The following GRID2IP variants were observed in gnomAD, a reference collection of about 807,000 sequenced individuals.
GRID2IP encodes Grid2 interacting protein, also known as delphilin.
Under a neutral mutation model 114.3 loss-of-function variants are expected in GRID2IP, and 78 were observed. The ratio of observed to expected loss-of-function variants is 0.68; its 90% CI spans 0.57 to 0.82. GRID2IP has a LOEUF of 0.82. Ranked by LOEUF, GRID2IP falls within the 40% of genes least tolerant of loss-of-function variation. The pLI is 0.00. For synonymous variants in GRID2IP, 809 were observed against 724.0 expected (o/e 1.12, Z -1.89); for missense variants, 1,727 against 1,678.5 (o/e 1.03, Z -0.51).
chr7:6,517,005 G>A (rs547007902), intron 7 of GRID2IP, among the ~76,000 whole-genome samples: 1 of 151,756 alleles, frequency 6.6e-6, no homozygotes, highest in South Asian at 2.1e-4. Flanking sequence ...TGGTGGTAGT[G>A]GTCCCCCGGG....
Position 6,551,060 on chromosome 7 carries a change from G to C in GRID2IP, c.377C>G (p.Pro126Arg), listed in dbSNP as rs1421485039. The part of the protein sequence containing the change: ...ELLRLAGRKR[P>R]DAVHRERRRK... ...CCTGCGCTCTCGGTGCACCGCGTCC[G>C]GGCGCTTGCGGCCGGCCAGGCGAAG... Residue 126 changes from proline (P) to arginine (R), a missense_variant, in exon 1 of 22, where the codon CCG (proline) becomes CGG (arginine). Physicochemically the swap from Pro to Arg is moderately radical, Grantham distance 103. Transcript: ENST00000457091. The C allele has an allele frequency of 1.5e-5, 19 of 1,300,972 alleles. No individual in the cohort carries two copies. The highest frequency in any genetic ancestry group is 4.1e-5 in the Admixed American group (1 of 24,648). The allele number at this position is 1,300,972 out of a possible 1,614,324, so 80.6% of individuals were successfully genotyped here. A position where few individuals can be genotyped will look rare whatever the true frequency, so the allele number is the denominator to read the frequency against.
rs1332970437 is a variant in GRID2IP at position 6,551,281 on chromosome 7, C to T, written c.156G>A (p.Val52=). The T allele has an allele frequency of 1.3e-6, 2 of 1,540,286 alleles. No homozygotes were observed. The highest frequency in any genetic ancestry group is 2.0e-5 in the Admixed American group (1 of 50,922). The change falls in exon 1 of 22, where the codon GTG becomes GTA. Residue 52 remains valine, a synonymous_variant. Coordinates refer to ENST00000457091, the MANE Select transcript of GRID2IP (RefSeq NM_001145118.2). ...TCAGACCGCCCACCGCCAGCCCCTCCACCTCCAGGATCTGGTCTCCTGGCC... is the reference window on the plus strand; with the variant it reads ...TCAGACCGCCCACCGCCAGCCCCTCTACCTCCAGGATCTGGTCTCCTGGCC... The part of the protein sequence containing the change: ...GLRPGDQILE[V]EGLAVGGLSR...
At chr7:6,515,444 G>A (rs2115064406) in intron 7 of GRID2IP, among the ~76,000 whole-genome samples, 1 of 151,128 alleles carries the variant, frequency 6.6e-6, no homozygotes, top group Non-Finnish European at 1.5e-5. Context: ...CTGGGTGACA[G>A]AGCAAGACTC....
At chr7:6,539,162 T>C (rs1251522523) in intron 2 of GRID2IP, among the ~76,000 whole-genome samples, 2 of 150,586 alleles carry the variant, frequency 1.3e-5, no homozygotes, top group African/African-American at 2.5e-5. Context: ...AGTGTCTTGC[T>C]CTGTCATCCA....
chr7:6,529,685 C>G (rs1485549587), intron 2 of GRID2IP, among the ~76,000 whole-genome samples: 6 of 152,182 alleles, frequency 3.9e-5, no homozygotes, highest in Non-Finnish European at 8.8e-5. Flanking sequence ...CCAGCAGAGC[C>G]AGGAGCAGTG....
rs201998040 is a variant in GRID2IP, at chr7:6,503,078, C to T, written c.2993G>A (p.Gly998Asp). 1,393 of 1,551,454 alleles carry T rather than the reference C, an allele frequency of 9.0e-4. 3 individuals carry two copies. The highest frequency in any genetic ancestry group is 4.7e-3 in the Middle Eastern group (28 of 5,988). Residue 998 changes from glycine to aspartate, a missense_variant, in exon 17 of 22, where the codon GGC becomes GAC. Gly to Asp is a moderately conservative substitution (Grantham distance 94). Transcript: ENST00000457091. ...GGCCTGGCGCAAGCATTCAAGGCTG[C>T]CTCGGATCTCCTCTGTCTTCTCCTG... ...TLQEKTEEIR[G>D]SLECLRQASL...
intron 2 of GRID2IP, among the ~76,000 whole-genome samples, chr7:6,531,438 G>A (rs906334885): frequency 3.9e-5 from 6 of 152,188 alleles, no homozygotes; most frequent in Non-Finnish European, 8.8e-5. Context: ...ACTGCGCCCC[G>A]GACCCCCACA....
intron 16 of GRID2IP, 139 bp downstream of exon 16, chr7:6,503,352 T>C: frequency 2.0e-6 from 2 of 1,015,548 alleles, no homozygotes; most frequent in Non-Finnish European, 1.4e-6. Context: ...ACCCGGCCAT[T>C]AAAGGTGTTA....
chr7:6,517,298 C>A (rs938948358), intron 7 of GRID2IP, among the ~76,000 whole-genome samples: 1 of 151,760 alleles, frequency 6.6e-6, no homozygotes, highest in Admixed American at 6.6e-5. Context: ...ACCTCGTGAT[C>A]TGCCCATCTC....
chr7:6,498,202 T>G lies in GRID2IP; in HGVS notation c.3426A>C (p.Ala1142=). 9 of 1,548,254 alleles carry G rather than the reference T, an allele frequency of 5.8e-6. No homozygotes were observed. The highest frequency in any genetic ancestry group is 7.0e-6 in the Non-Finnish European group (8 of 1,145,918). ...MSSFLETAQP[A]LRALDGLQRE... The stretch of plus-strand genomic sequence containing the variant: ...GCTGCAGCCCGTCGAGCGCCCGAAG[T>G]GCTGGCTGGGCCGTCTCCAGGAAGG... The change falls in exon 21 of 22, where the codon GCA becomes GCC. Residue 1142 remains alanine (A), a synonymous_variant. Coordinates refer to ENST00000457091, the MANE Select transcript of GRID2IP (RefSeq NM_001145118.2).
At chr7:6,537,945 C>T (rs13222970) in intron 2 of GRID2IP, among the ~76,000 whole-genome samples, 51,136 of 152,122 alleles carry the variant, frequency 0.34, 10,535 homozygotes, top group Non-Finnish European at 0.47. Context: ...TGTGTGGCTT[C>T]AGGCCAGCCT....
intron 2 of GRID2IP, among the ~76,000 whole-genome samples, chr7:6,531,575 A>G (rs1441319617): frequency 6.6e-6 from 1 of 152,218 alleles, no homozygotes; most frequent in Non-Finnish European, 1.5e-5. Flanking sequence ...GGCTAGAAGA[A>G]GCCCTGTTTA....
intron 14 of GRID2IP, 35 bp from the exon 15 acceptor site, chr7:6,504,905 A>T (rs1488156215): frequency 4.6e-6 from 7 of 1,537,674 alleles, no homozygotes; most frequent in East Asian, 4.9e-5. Context: ...GGAGGCGGCT[A>T]GGCTGAGGCT....
chr7:6,527,923 A>G (rs1332815435), intron 2 of GRID2IP, among the ~76,000 whole-genome samples: 4 of 152,026 alleles, frequency 2.6e-5, no homozygotes, highest in South Asian at 2.1e-4. Context: ...CACGACGGCT[A>G]ATTTTTGTAT....
In GRID2IP at chr7:6,497,681, G is replaced by C. The variant is rs1334311781; in HGVS notation, c.*93C>G. The C allele has an allele frequency of 1.1e-6, 1 of 925,432 alleles. No individual in the cohort carries two copies. The highest frequency in any genetic ancestry group is 1.6e-6 in the Non-Finnish European group (1 of 618,062). 57.3% of individuals were successfully genotyped at this position (925,432 alleles called of 1,614,324 possible). On this transcript the variant is annotated 3_prime_UTR_variant, in exon 22 of 22. Coordinates refer to ENST00000457091, the MANE Select transcript of GRID2IP (RefSeq NM_001145118.2). ...AGGCTGGCGGTGTGCTCAGAGCCCG[G>C]GGCACAGTGGCCCCGGACCTCGGCA... is the stretch of plus-strand genomic sequence containing the variant.
At chr7:6,497,911 C>T in intron 21 of GRID2IP, 66 bp from the exon 22 acceptor site, 1 of 1,449,850 alleles carries the variant, frequency 6.9e-7, no homozygotes, top group Non-Finnish European at 9.4e-7. Context: ...CCTTCCCTGT[C>T]TCTTCCCACA....
Position 6,501,789 on chromosome 7 carries a change from C to G in GRID2IP, c.3391G>C (p.Val1131Leu). 1 of 1,550,338 alleles carries G rather than the reference C, an allele frequency of 6.5e-7. No individual in the cohort carries two copies. Among genetic ancestry groups the G allele is most frequent in the Non-Finnish European group, 8.7e-7 (1 of 1,146,144 alleles). The change falls in exon 20 of 22, where the codon GTC becomes CTC. Residue 1131 changes from valine (V) to leucine (L), a missense_variant. Val to Leu is a conservative substitution (Grantham distance 32, BLOSUM62 1). Transcript: ENST00000457091. ...SPSSEDKFAM[V>L]MSSFLETAQP... ...GGCTGCTCAGAGGATGCCGACATGA[C>G]CATTGCAAACTTGTCCTCGCTAGAG... is the stretch of plus-strand genomic sequence containing the variant.
In GRID2IP at chr7:6,508,436, G is replaced by C. The variant is rs1442377298; in HGVS notation, c.2128-35C>G. On this transcript the variant is annotated intron_variant, in intron 12 of 21. Transcript: ENST00000457091. The surrounding 1 kb of genome is among the most constrained non-coding windows in gnomAD (Gnocchi z 5.6). Reference sequence around the variant, plus strand: ...GGGAGAGAGGCAAGGGGAGGGTGAGGCTGGGCCCAGAGAGACTAGAGCAGG... The same window carrying C: ...GGGAGAGAGGCAAGGGGAGGGTGAGCCTGGGCCCAGAGAGACTAGAGCAGG... 2 of 1,549,942 alleles carry C rather than the reference G, an allele frequency of 1.3e-6. No homozygotes were observed. The highest frequency in any genetic ancestry group is 2.7e-5 in the African/African-American group (2 of 73,000).
chr7:6,513,779 G>A (rs1173195969), intron 8 of GRID2IP, among the ~76,000 whole-genome samples: 2 of 152,058 alleles, frequency 1.3e-5, no homozygotes, highest in African/African-American at 2.4e-5. Flanking sequence ...GGCCCAAATC[G>A]GCTGTAAGAC....
Sources: allele counts gnomAD v4.1 joint callset (sites outside exome capture counted in the v4.1 genomes callset), GRCh38; gene constraint gnomAD v4.1.1; non-coding constraint Gnocchi (gnomAD v3.1); transcripts MANE v1.5; gene names NCBI Gene and HGNC (gene_info 2026-07-23, HGNC 2026-07-21).